The following ARPP21 variants were observed in gnomAD, a reference collection of about 807,000 sequenced individuals.
The protein encoded by ARPP21 is cAMP regulated phosphoprotein 21.
Under a neutral mutation model 113.2 loss-of-function variants are expected in ARPP21, and 69 were observed. That is an observed-to-expected ratio of 0.61 (90% CI 0.50 to 0.74). The LOEUF is 0.74. Ranked by LOEUF, ARPP21 falls within the 30% of genes least tolerant of loss-of-function variation. The pLI is 0.00. For missense variants in ARPP21, 1,070 were observed against 1,037.4 expected, an observed-to-expected ratio of 1.03 and a Z score of -0.43; for synonymous variants, 368 against 375.5, an observed-to-expected ratio of 0.98 and a Z score of 0.23.
At chr3:35,748,099 A>AAAG (rs1297192537) in intron 19 of ARPP21, among the ~76,000 whole-genome samples, 26 of 137,270 alleles carry the variant, frequency 1.9e-4, no homozygotes, top group African/African-American at 6.7e-4. Flanking sequence ...AGAAAGAAAG[A>AAAG]AAGAAAGAAA....
chr3:35,676,935 A>G (rs1412986682), intron 1 of ARPP21, among the ~76,000 whole-genome samples: 1 of 151,938 alleles, frequency 6.6e-6, no homozygotes, highest in Non-Finnish European at 1.5e-5. Flanking sequence ...CAAATCAATC[A>G]TCACCCCAAT....
chr3:35,689,503 T>A, intron 7 of ARPP21, 118 bp downstream of exon 7: 2 of 609,942 alleles, frequency 3.3e-6, no homozygotes, highest in South Asian at 4.2e-5. Context: ...TTCCCTGACG[T>A]CTTAAACTGT....
intron 9 of ARPP21, among the ~76,000 whole-genome samples, chr3:35,697,317 A>T (rs1314619075): frequency 6.6e-6 from 1 of 151,608 alleles, no homozygotes; most frequent in Non-Finnish European, 1.5e-5. Context: ...ATAGTGGCCG[A>T]CAGGCATTGG....
chr3:35,784,556 CTAAA>C (rs1186434272), intron 19 of ARPP21, among the ~76,000 whole-genome samples: 1 of 152,182 alleles, frequency 6.6e-6, no homozygotes, highest in African/African-American at 2.4e-5. Context: ...AGTTCATATC[CTAAA>C]TAACTCTCTG....
intron 1 of ARPP21, among the ~76,000 whole-genome samples, chr3:35,655,245 A>G (rs1279197207): frequency 1.3e-5 from 2 of 152,114 alleles, no homozygotes; most frequent in East Asian, 1.9e-4. Flanking sequence ...ATATGTGTGT[A>G]TATTGATATC....
rs138280614 is a variant in ARPP21, at chr3:35,715,288, C to A, written c.898-151C>A. ...TGTTTACTTTTCTAATCCTAACCAA[C>A]CTTTTTCCTTTTTTATTTCTATCTT... On this transcript the variant is annotated intron_variant, in intron 11 of 20. Transcript: ENST00000684406. 4.9e-3 allele frequency: 3,128 copies of A among 644,636 alleles called. 12 individuals are homozygous for A. The highest frequency in any genetic ancestry group is 6.3e-3 in the Non-Finnish European group (2,303 of 363,956). 39.9% of individuals were successfully genotyped at this position (644,636 alleles called of 1,614,324 possible). A position where few individuals can be genotyped will look rare whatever the true frequency, so the allele number is the denominator to read the frequency against.
intron 19 of ARPP21, among the ~76,000 whole-genome samples, chr3:35,784,298 A>G (rs1183538468): frequency 6.6e-6 from 1 of 152,238 alleles, no homozygotes; most frequent in East Asian, 1.9e-4. Context: ...CTGGCTCACA[A>G]GAGCCAAATG....
At chr3:35,772,815 G>T (rs999957000) in intron 19 of ARPP21, among the ~76,000 whole-genome samples, 1 of 152,200 alleles carries the variant, frequency 6.6e-6, no homozygotes, top group African/African-American at 2.4e-5. Flanking sequence ...GCACAGGCTT[G>T]CCTGGGTTGA....
At chr3:35,733,176 G>T (rs1468603297) in intron 15 of ARPP21, among the ~76,000 whole-genome samples, 1 of 151,268 alleles carries the variant, frequency 6.6e-6, no homozygotes, top group Non-Finnish European at 1.5e-5. Context: ...TGTGAGGAGG[G>T]TCCATGCTTA....
chr3:35,675,699 T>C (rs1320389184), intron 1 of ARPP21, among the ~76,000 whole-genome samples: 1 of 151,934 alleles, frequency 6.6e-6, no homozygotes, highest in African/African-American at 2.4e-5. Flanking sequence ...GCAGGTGTTC[T>C]CTGAACATTG....
chr3:35,711,671 C>G (rs1358449928), intron 11 of ARPP21, among the ~76,000 whole-genome samples: 1 of 152,122 alleles, frequency 6.6e-6, no homozygotes, highest in South Asian at 2.1e-4. Flanking sequence ...CATCTGAAGG[C>G]TTGATCAAGT....
intron 1 of ARPP21, among the ~76,000 whole-genome samples, chr3:35,667,405 TA>T (rs1322460744): frequency 6.6e-6 from 1 of 152,168 alleles, no homozygotes; most frequent in East Asian, 1.9e-4. Flanking sequence ...CATGACTAGT[TA>T]AATTTATGTA....
chr3:35,682,721 G>T (rs955599422), intron 3 of ARPP21, 127 bp from the exon 4 acceptor site: 10 of 727,396 alleles, frequency 1.4e-5, no homozygotes, highest in South Asian at 4.8e-5. Context: ...TATTATTATT[G>T]ACTTCTCTAC....
chr3:35,684,061 T>C (rs951669212), intron 5 of ARPP21: 1 of 1,596,082 alleles, frequency 6.3e-7, no homozygotes, highest in African/African-American at 1.4e-5. Context: ...TCAAAAGAAT[T>C]TAGATTAAAA....
At chr3:35,763,282 C>T (rs975394384) in intron 19 of ARPP21, among the ~76,000 whole-genome samples, 2 of 152,070 alleles carry the variant, frequency 1.3e-5, no homozygotes, top group Non-Finnish European at 2.9e-5. Flanking sequence ...TTGGGTATCT[C>T]CCTTACAACT....
chr3:35,733,943 C>A (rs1399030256), intron 15 of ARPP21, among the ~76,000 whole-genome samples: 1 of 152,190 alleles, frequency 6.6e-6, no homozygotes, highest in Non-Finnish European at 1.5e-5. Context: ...TCAAAAGACA[C>A]ATGAATATTT....
chr3:35,679,391 A>G (rs1391109259), intron 1 of ARPP21, among the ~76,000 whole-genome samples: 1 of 151,858 alleles, frequency 6.6e-6, no homozygotes, highest in African/African-American at 2.4e-5. Context: ...TGTAATCTAT[A>G]ATTAAGACAA....
At chr3:35,787,422 C>T (rs999633905) in intron 19 of ARPP21, among the ~76,000 whole-genome samples, 1 of 152,064 alleles carries the variant, frequency 6.6e-6, no homozygotes, top group African/African-American at 2.4e-5. Context: ...GTGAGGAAAG[C>T]CATTATTTGA....
chr3:35,644,095 A>AT (rs1354079536), intron 1 of ARPP21, among the ~76,000 whole-genome samples: 1 of 151,876 alleles, frequency 6.6e-6, no homozygotes, highest in Non-Finnish European at 1.5e-5. Flanking sequence ...TGATAAATGA[A>AT]TTTCAAGCAG....
Sources: allele counts gnomAD v4.1 joint callset (sites outside exome capture counted in the v4.1 genomes callset), GRCh38; gene constraint gnomAD v4.1.1; transcripts MANE v1.5; gene names NCBI Gene and HGNC (gene_info 2026-07-23, HGNC 2026-07-21).